The following CSMD3 variants were observed in gnomAD, a reference collection of about 807,000 sequenced individuals.
CSMD3 encodes the protein CUB and sushi domain-containing protein 3.
In CSMD3, 177 loss-of-function variants were observed where a neutral mutation model predicts 435.2. That is an observed-to-expected ratio of 0.41 (90% CI 0.36 to 0.46). The LOEUF is 0.46. CSMD3 is among the 20% of genes least tolerant of loss of function. The pLI, the probability that CSMD3 is intolerant of heterozygous loss-of-function variation, is 0.34. For synonymous variants in CSMD3, 1,656 were observed against 1,520.5 expected, an observed-to-expected ratio of 1.09 and a Z score of -2.07; for missense variants, 4,265 against 4,504.6, an observed-to-expected ratio of 0.95 and a Z score of 1.52.
intron 28 of CSMD3, among the ~76,000 whole-genome samples, chr8:112,514,540 T>G (rs1823475879): frequency 6.6e-6 from 1 of 152,148 alleles, no homozygotes; most frequent in Non-Finnish European, 1.5e-5. Flanking sequence ...TTTATTTGTG[T>G]CTTCTTTCTA....
At chr8:112,348,515 T>C (rs1350053691) in intron 40 of CSMD3, among the ~76,000 whole-genome samples, 1 of 152,196 alleles carries the variant, frequency 6.6e-6, no homozygotes, top group Admixed American at 6.6e-5. Context: ...ATTGCTATTG[T>C]ATCACTGCCA....
intron 5 of CSMD3, among the ~76,000 whole-genome samples, chr8:113,086,796 T>A (rs558350530): frequency 1.3e-5 from 2 of 152,304 alleles, no homozygotes; most frequent in African/African-American, 4.8e-5. Context: ...GGTACTATGA[T>A]CTGTATTTTC....
At chr8:113,009,474 C>T (rs939035393) in intron 6 of CSMD3, among the ~76,000 whole-genome samples, 3 of 151,620 alleles carry the variant, frequency 2.0e-5, no homozygotes, top group African/African-American at 7.3e-5. Flanking sequence ...CTCTGTTTTC[C>T]AATCTTAGCT....
At chr8:112,875,152 G>T (rs1466901619) in intron 10 of CSMD3, among the ~76,000 whole-genome samples, 21 of 152,132 alleles carry the variant, frequency 1.4e-4, no homozygotes, top group Admixed American at 1.4e-3. Flanking sequence ...GTCTATAAAT[G>T]ATTTTATTTC....
At chr8:112,453,816 CA>C (rs1246010415) in intron 32 of CSMD3, among the ~76,000 whole-genome samples, 1 of 151,908 alleles carries the variant, frequency 6.6e-6, no homozygotes, top group Non-Finnish European at 1.5e-5. Context: ...CAATCCTAAG[CA>C]AAAAACAACA....
chr8:112,684,328 G>A (rs2075966875), intron 15 of CSMD3, among the ~76,000 whole-genome samples: 3 of 151,948 alleles, frequency 2.0e-5, no homozygotes, highest in South Asian at 2.1e-4. Flanking sequence ...AATTTACAGC[G>A]ACACTATTCA....
chr8:112,342,394 C>T (rs745747032), intron 41 of CSMD3, among the ~76,000 whole-genome samples: 8 of 152,018 alleles, frequency 5.3e-5, no homozygotes, highest in Non-Finnish European at 1.0e-4. Context: ...TAATTTAACA[C>T]TCAATTTTAG....
intron 35 of CSMD3, among the ~76,000 whole-genome samples, chr8:112,391,138 T>A (rs1276624371): frequency 6.6e-6 from 1 of 152,152 alleles, no homozygotes; most frequent in Non-Finnish European, 1.5e-5. Context: ...TTTTAAAAAA[T>A]TATTTGGTAC....
intron 3 of CSMD3, among the ~76,000 whole-genome samples, chr8:113,204,770 T>C (rs1588270787): frequency 1.3e-5 from 2 of 152,172 alleles, no homozygotes; most frequent in African/African-American, 2.4e-5. Flanking sequence ...ATCTGCAGTA[T>C]TCAGTATGGT....
chr8:113,209,706 A>C (rs922798790), intron 3 of CSMD3, among the ~76,000 whole-genome samples: 1 of 152,158 alleles, frequency 6.6e-6, no homozygotes, highest in Non-Finnish European at 1.5e-5. Flanking sequence ...AAAGGATATA[A>C]ATGCTTGACA....
At position 113,426,018 on chromosome 8, in the gene CSMD3, ATAGT is replaced by A. The variant is rs368455735; in HGVS notation, c.178+10655_178+10658del. Among the ~76,000 whole-genome samples, 26 of 151,644 alleles carry A rather than the reference ATAGT, an allele frequency of 1.7e-4. No individual in the cohort carries two copies. In the East Asian group the frequency reaches 3.7e-3, roughly 21 times the overall value. On this transcript the variant is annotated intron_variant, in intron 1 of 70. Transcript: ENST00000297405. Reference sequence around the variant, plus strand: ...TGAGTAAATATTTTGTCTAGAGTACATAGTTAGGTCACTTAGAGTATGGAATCAA... The same window carrying A: ...TGAGTAAATATTTTGTCTAGAGTACATAGGTCACTTAGAGTATGGAATCAA...
At chr8:112,546,418 G>C (rs1827186167) in intron 27 of CSMD3, among the ~76,000 whole-genome samples, 1 of 152,152 alleles carries the variant, frequency 6.6e-6, no homozygotes, top group South Asian at 2.1e-4. Flanking sequence ...ACAAAGGCAG[G>C]GGCACCATGC....
At chr8:112,999,408 C>G (rs549704048) in intron 6 of CSMD3, among the ~76,000 whole-genome samples, 1 of 151,820 alleles carries the variant, frequency 6.6e-6, no homozygotes, top group South Asian at 2.1e-4. Context: ...TTTTGAGGAC[C>G]AGCAAGGATG....
intron 45 of CSMD3, among the ~76,000 whole-genome samples, chr8:112,329,933 C>G (rs1323064624): frequency 6.6e-6 from 1 of 152,108 alleles, no homozygotes; most frequent in Non-Finnish European, 1.5e-5. Context: ...CACAAACACA[C>G]ACACACATAC....
intron 10 of CSMD3, among the ~76,000 whole-genome samples, chr8:112,918,370 G>A (rs974084283): frequency 7.9e-5 from 12 of 151,678 alleles, no homozygotes; most frequent in Admixed American, 5.9e-4. Context: ...TCCCATGAGT[G>A]GTTTTTGCCC....
intron 13 of CSMD3, among the ~76,000 whole-genome samples, chr8:112,701,768 T>C (rs1190197393): frequency 6.6e-6 from 1 of 152,160 alleles, no homozygotes; most frequent in Admixed American, 6.6e-5. Flanking sequence ...CATTTTCCCA[T>C]AAGCAACCTA....
At chr8:112,611,353 A>C (rs1833246066) in intron 22 of CSMD3, among the ~76,000 whole-genome samples, 1 of 152,178 alleles carries the variant, frequency 6.6e-6, no homozygotes, top group Non-Finnish European at 1.5e-5. Context: ...TCTGAAGTGT[A>C]CCAAATTTAT....
At chr8:112,827,418 T>C (rs2079730918) in intron 12 of CSMD3, among the ~76,000 whole-genome samples, 1 of 151,796 alleles carries the variant, frequency 6.6e-6, no homozygotes, top group African/African-American at 2.4e-5. Context: ...TTTTAGTCAA[T>C]TGACTAGCCA....
intron 13 of CSMD3, among the ~76,000 whole-genome samples, chr8:112,760,210 T>A (rs1465789120): frequency 1.3e-5 from 2 of 152,200 alleles, no homozygotes; most frequent in East Asian, 3.9e-4. Flanking sequence ...CTTTTAGGAA[T>A]GAAACCTTTT....
Sources: gnomAD v4.1 joint callset for allele counts (sites outside exome capture counted in the v4.1 genomes callset) on GRCh38, gnomAD v4.1.1 for gene constraint, MANE v1.5 for transcripts, NCBI Gene and HGNC (gene_info 2026-07-23, HGNC 2026-07-21) for gene names.